FOXN3: variants seen among roughly 807,000 people sequenced by gnomAD.
FOXN3 encodes forkhead box N3, also known as forkhead box protein N3.
In FOXN3, 7 loss-of-function variants were observed where a neutral mutation model predicts 38.4. The ratio of observed to expected loss-of-function variants is 0.18; its 90% CI spans 0.10 to 0.34. The LOEUF is 0.34. FOXN3 is among the 10% of genes least tolerant of loss of function. The pLI, the probability that FOXN3 is intolerant of heterozygous loss-of-function variation, is 1.00. For missense variants in FOXN3, 456 were observed against 613.4 expected, an observed-to-expected ratio of 0.74 and a Z score of 2.71; for synonymous variants, 230 against 242.2, an observed-to-expected ratio of 0.95 and a Z score of 0.47.
At chr14:89,538,184 A>G (rs536655438) in intron 1 of FOXN3, among the ~76,000 whole-genome samples, 84 of 152,352 alleles carry the variant, frequency 5.5e-4, no homozygotes, top group Non-Finnish European at 1.0e-3. Context: ...CACGTAATGT[A>G]TTTGTTCTTC....
At chr14:89,479,925 T>C (rs78205362) in intron 1 of FOXN3, among the ~76,000 whole-genome samples, 2 of 152,256 alleles carry the variant, frequency 1.3e-5, no homozygotes, top group Non-Finnish European at 2.9e-5. Flanking sequence ...CTTCAGAAAG[T>C]TTCCGTCTTG....
At chr14:89,441,781 G>A (rs1892389088) in intron 1 of FOXN3, among the ~76,000 whole-genome samples, 1 of 152,156 alleles carries the variant, frequency 6.6e-6, no homozygotes, top group Admixed American at 6.5e-5. Context: ...AGGAAGTTGG[G>A]ATCCTGGAGG....
intron 2 of FOXN3, among the ~76,000 whole-genome samples, chr14:89,394,980 G>A (rs767459271): frequency 1.3e-5 from 2 of 152,206 alleles, no homozygotes; most frequent in Non-Finnish European, 2.9e-5. Context: ...CTATGGAAAG[G>A]CTCTTCTGCA....
chr14:89,434,725 C>G (rs1193064183), intron 1 of FOXN3, among the ~76,000 whole-genome samples: 2 of 152,156 alleles, frequency 1.3e-5, no homozygotes, highest in East Asian at 1.9e-4. Flanking sequence ...GCTCCCAAAC[C>G]ACCAAATAAA....
intron 4 of FOXN3, among the ~76,000 whole-genome samples, chr14:89,257,377 T>C (rs1885656934): frequency 6.6e-6 from 1 of 152,212 alleles, no homozygotes; most frequent in Admixed American, 6.5e-5. Flanking sequence ...TTAGAGAGTG[T>C]GAAGAAGTTC....
intron 1 of FOXN3, among the ~76,000 whole-genome samples, chr14:89,455,656 G>A (rs530351401): frequency 2.6e-5 from 4 of 152,276 alleles, no homozygotes; most frequent in Admixed American, 1.3e-4. Context: ...ACAGCAGGGC[G>A]GGACCGGACC....
chr14:89,201,536 C>G (rs1212561565), intron 4 of FOXN3, among the ~76,000 whole-genome samples: 1 of 152,178 alleles, frequency 6.6e-6, no homozygotes, highest in Non-Finnish European at 1.5e-5. Context: ...CACCTCAGAG[C>G]CTGGCCACAC....
intron 5 of FOXN3, among the ~76,000 whole-genome samples, chr14:89,173,057 A>G (rs1887430888): frequency 6.6e-6 from 1 of 152,212 alleles, no homozygotes; most frequent in Non-Finnish European, 1.5e-5. Flanking sequence ...AATCTGCAAC[A>G]TATGTAGTCA....
chr14:89,512,457 TA>T (rs1289011259), intron 1 of FOXN3, among the ~76,000 whole-genome samples: 1 of 152,190 alleles, frequency 6.6e-6, no homozygotes, highest in African/African-American at 2.4e-5. Context: ...GGGTTTGGGC[TA>T]GGGGCAGAAA....
chr14:89,395,037 G>A (rs1891065556), intron 2 of FOXN3, among the ~76,000 whole-genome samples: 1 of 152,216 alleles, frequency 6.6e-6, no homozygotes, highest in South Asian at 2.1e-4. Flanking sequence ...CTTCCCCAAA[G>A]CCTTTTGGAA....
chr14:89,488,732 T>G (rs186694369), intron 1 of FOXN3, among the ~76,000 whole-genome samples: 1 of 152,168 alleles, frequency 6.6e-6, no homozygotes, highest in East Asian at 1.9e-4. Flanking sequence ...AGAAGATTTG[T>G]CCAGGAGGAA....
chr14:89,333,749 T>TAAAAAA (rs57491119), intron 3 of FOXN3, among the ~76,000 whole-genome samples: 2 of 57,262 alleles, frequency 3.5e-5, no homozygotes, highest in African/African-American at 6.3e-5. Context: ...GAGAGACTAT[T>TAAAAAA]AAAAAAAAAA....
chr14:89,478,162 GT>G (rs956078312), intron 1 of FOXN3, among the ~76,000 whole-genome samples: 2 of 152,122 alleles, frequency 1.3e-5, no homozygotes, highest in African/African-American at 4.8e-5. Flanking sequence ...GTTTGAAAGT[GT>G]GTGGCGCCTC....
intron 4 of FOXN3, among the ~76,000 whole-genome samples, chr14:89,203,212 G>A (rs779321580): frequency 2.6e-5 from 4 of 152,186 alleles, no homozygotes; most frequent in Non-Finnish European, 5.9e-5. Context: ...TGAAACCCGA[G>A]AATGCAATAG....
intron 2 of FOXN3, among the ~76,000 whole-genome samples, chr14:89,363,973 T>TATATA (rs1566968970): frequency 1.4e-5 from 1 of 73,808 alleles, no homozygotes; most frequent in East Asian, 2.4e-4. Context: ...TATATATATA[T>TATATA]ATATATATAT....
chr14:89,207,341 A>C (rs1888412302), intron 4 of FOXN3, among the ~76,000 whole-genome samples: 1 of 152,236 alleles, frequency 6.6e-6, no homozygotes, highest in Admixed American at 6.5e-5. Context: ...TAGATTAAAA[A>C]AAAAACAACT....
chr14:89,518,144 T>G (rs1396707439), intron 1 of FOXN3, among the ~76,000 whole-genome samples: 1 of 152,204 alleles, frequency 6.6e-6, no homozygotes, highest in Admixed American at 6.5e-5. Context: ...GTCATGCTGC[T>G]GAGCAACAGA....
At chr14:89,310,698 C>A (rs980524675) in intron 3 of FOXN3, among the ~76,000 whole-genome samples, 5 of 152,138 alleles carry the variant, frequency 3.3e-5, no homozygotes, top group African/African-American at 1.2e-4. Context: ...ACCATATATA[C>A]CACACTAACT....
At chr14:89,554,738 C>T (rs1036404796) in intron 1 of FOXN3, among the ~76,000 whole-genome samples, 5 of 150,482 alleles carry the variant, frequency 3.3e-5, no homozygotes, top group Non-Finnish European at 4.4e-5. Flanking sequence ...TCTAAATCTA[C>T]TGCTGCATCA....
Sources: gnomAD v4.1 joint callset for allele counts (sites outside exome capture counted in the v4.1 genomes callset) on GRCh38, gnomAD v4.1.1 for gene constraint, MANE v1.5 for transcripts, NCBI Gene and HGNC (gene_info 2026-07-23, HGNC 2026-07-21) for gene names.